The following L3MBTL4 variants were observed in gnomAD, a reference collection of about 807,000 sequenced individuals.
The protein encoded by L3MBTL4 is lethal(3)malignant brain tumor-like protein 4.
A neutral mutation model predicts 84.5 loss-of-function variants in L3MBTL4; 70 were observed. That is an observed-to-expected ratio of 0.83 (90% CI 0.68 to 1.01). The LOEUF is 1.01. Among genes scored for constraint, L3MBTL4 ranks in the 50% least tolerant of loss-of-function variants. The pLI, the probability that L3MBTL4 is intolerant of heterozygous loss-of-function variation, is 0.00. For missense variants in L3MBTL4, 715 were observed against 754.8 expected (o/e 0.95, Z 0.62); for synonymous variants, 274 against 259.8 (o/e 1.05, Z -0.52).
intron 1 of L3MBTL4, among the ~76,000 whole-genome samples, chr18:6,379,825 G>A (rs2054523803): frequency 6.6e-6 from 1 of 152,142 alleles, no homozygotes; most frequent in Non-Finnish European, 1.5e-5. Context: ...AATGATGCTG[G>A]CCTCATAAAA....
chr18:6,197,208 C>T (rs2045440457), intron 12 of L3MBTL4, among the ~76,000 whole-genome samples: 1 of 152,176 alleles, frequency 6.6e-6, no homozygotes, highest in Non-Finnish European at 1.5e-5. Flanking sequence ...GCCAACCCAT[C>T]ACCTAGGTAT....
At chr18:6,198,479 G>A (rs964141767) in intron 12 of L3MBTL4, among the ~76,000 whole-genome samples, 1 of 152,094 alleles carries the variant, frequency 6.6e-6, no homozygotes, top group African/African-American at 2.4e-5. Flanking sequence ...ACCATAGTCC[G>A]ATGCTGGCTG....
intron 1 of L3MBTL4, among the ~76,000 whole-genome samples, chr18:6,338,174 G>C (rs1428683108): frequency 6.6e-6 from 1 of 151,910 alleles, no homozygotes; most frequent in Non-Finnish European, 1.5e-5. Context: ...AATGGAGAAG[G>C]AGAAAGAGGA....
At chr18:6,356,738 G>A (rs1022314715) in intron 1 of L3MBTL4, 4 of 152,212 alleles carry the variant, frequency 2.6e-5, no homozygotes, top group African/African-American at 9.6e-5. Context: ...GTGAATGAGC[G>A]GTGAGTGAAT....
intron 16 of L3MBTL4, among the ~76,000 whole-genome samples, chr18:6,064,232 C>A (rs1451727354): frequency 6.6e-6 from 1 of 152,016 alleles, no homozygotes; most frequent in Non-Finnish European, 1.5e-5. Context: ...ATTTTTTATA[C>A]CAGTACCATG....
intron 13 of L3MBTL4, among the ~76,000 whole-genome samples, chr18:6,157,586 T>C (rs549992703): frequency 2.6e-5 from 4 of 152,218 alleles, no homozygotes; most frequent in East Asian, 1.9e-4. Flanking sequence ...GTTGTATTTA[T>C]ATACGTGCAG....
intron 10 of L3MBTL4, among the ~76,000 whole-genome samples, chr18:6,218,265 T>A (rs1004269683): frequency 6.6e-6 from 1 of 152,190 alleles, no homozygotes; most frequent in African/African-American, 2.4e-5. Context: ...TACAGGCACA[T>A]GATACCACAC....
At chr18:6,186,885 G>A (rs1238165874) in intron 12 of L3MBTL4, among the ~76,000 whole-genome samples, 1 of 152,160 alleles carries the variant, frequency 6.6e-6, no homozygotes, top group Non-Finnish European at 1.5e-5. Context: ...AGGCTGAAGA[G>A]CAAGACAAGC....
rs185004492 is a variant in L3MBTL4 at position 6,308,467 on chromosome 18, G to A, written c.72+3087C>T. ...ATGAATGAACTGCAAAAGTATTCAC[G>A]TATAAAAAGGATATATGAATAAGAA... On this transcript the variant is annotated intron_variant, in intron 3 of 18. Transcript: ENST00000317931. 2.2e-3 allele frequency among the ~76,000 whole-genome samples: 335 copies of A among 152,220 alleles called. 1 individual carries two copies. The highest frequency in any genetic ancestry group is 5.9e-3 in the African/African-American group (245 of 41,542).
chr18:6,179,757 A>T (rs541512877), intron 12 of L3MBTL4, among the ~76,000 whole-genome samples: 1 of 152,168 alleles, frequency 6.6e-6, no homozygotes, highest in South Asian at 2.1e-4. Context: ...CCTCCCAAAT[A>T]GCTGGAACTA....
In L3MBTL4 at chr18:6,213,236, T is replaced by C. The variant is rs1680323702; in HGVS notation, c.894A>G (p.Pro298=). 2 of 1,609,336 alleles carry C rather than the reference T, an allele frequency of 1.2e-6. No homozygotes were observed. Residue 298 remains proline, a synonymous_variant, in exon 12 of 19, where the codon CCA becomes CCG. Coordinates refer to ENST00000317931, the MANE Select transcript of L3MBTL4 (RefSeq NM_001330559.2). The part of the protein sequence containing the change: ...FKMRLPHGFL[P]NMKLEVVDKR... ...TATCCACAACTTCAAGTTTCATATT[T>C]GGCAGAAAACCATGAGGCAACCTCT...
At chr18:6,389,257 T>C (rs1222762505) in intron 1 of L3MBTL4, among the ~76,000 whole-genome samples, 1 of 152,150 alleles carries the variant, frequency 6.6e-6, no homozygotes, top group Non-Finnish European at 1.5e-5. Context: ...AGGGAATTCG[T>C]CACTACCAGA....
intron 5 of L3MBTL4, among the ~76,000 whole-genome samples, chr18:6,249,334 C>T (rs560433717): frequency 6.6e-6 from 1 of 152,202 alleles, no homozygotes; most frequent in Admixed American, 6.5e-5. Flanking sequence ...TGAAACACTG[C>T]AAAATTAGGG....
At chr18:6,283,937 A>G (rs994877156) in intron 4 of L3MBTL4, among the ~76,000 whole-genome samples, 1 of 152,240 alleles carries the variant, frequency 6.6e-6, no homozygotes, top group Non-Finnish European at 1.5e-5. Flanking sequence ...AGATTTCTAA[A>G]AGGTAAGATT....
At chr18:6,251,268 T>A (rs188663099) in intron 5 of L3MBTL4, among the ~76,000 whole-genome samples, 186 of 152,224 alleles carry the variant, frequency 1.2e-3, no homozygotes, top group Middle Eastern at 6.8e-3. Context: ...AGATTTTATG[T>A]TTGGTCTGAA....
At chr18:6,321,562 A>G (rs2053192768) in intron 1 of L3MBTL4, among the ~76,000 whole-genome samples, 1 of 152,190 alleles carries the variant, frequency 6.6e-6, no homozygotes, top group African/African-American at 2.4e-5. Context: ...CTGGGTATCT[A>G]GCCAAAGGAA....
intron 13 of L3MBTL4, among the ~76,000 whole-genome samples, chr18:6,165,555 C>T (rs1448760347): frequency 6.6e-6 from 1 of 152,088 alleles, no homozygotes; most frequent in African/African-American, 2.4e-5. Flanking sequence ...AATTTTCAAC[C>T]CAAAATTTCA....
intron 7 of L3MBTL4, 120 bp downstream of exon 7, chr18:6,243,174 T>C: frequency 1.2e-6 from 1 of 865,606 alleles, no homozygotes. Flanking sequence ...TGGAACACAA[T>C]TTCATTTTGG....
At chr18:6,367,170 G>T (rs1364225958) in intron 1 of L3MBTL4, 1 of 152,232 alleles carries the variant, frequency 6.6e-6, no homozygotes, top group Non-Finnish European at 1.5e-5. Flanking sequence ...TTCTGAGTGG[G>T]CAGGAATCTT....
Sources: gnomAD v4.1 joint callset for allele counts (sites outside exome capture counted in the v4.1 genomes callset) on GRCh38, gnomAD v4.1.1 for gene constraint, MANE v1.5 for transcripts, NCBI Gene and HGNC (gene_info 2026-07-23, HGNC 2026-07-21) for gene names.